Variants in GRIA1 observed in about 807,000 individuals in gnomAD.
The protein encoded by GRIA1 is glutamate receptor 1.
A neutral mutation model predicts 99.2 loss-of-function variants in GRIA1; 31 were observed. The ratio of observed to expected loss-of-function variants is 0.31; its 90% CI spans 0.23 to 0.42. The LOEUF is 0.42. GRIA1 is among the 10% of genes least tolerant of loss of function. GRIA1 has a pLI of 1.00. For missense variants in GRIA1, 782 were observed against 1,157.5 expected (o/e 0.68, Z 4.71); for synonymous variants, 438 against 432.4 (o/e 1.01, Z -0.16).
intron 11 of GRIA1, among the ~76,000 whole-genome samples, chr5:153,727,388 C>A (rs541125136): frequency 3.9e-5 from 6 of 152,128 alleles, no homozygotes; most frequent in South Asian, 2.1e-4. Flanking sequence ...CTGGCCAGGG[C>A]AATTAGGCAG....
chr5:153,574,540 A>G (rs183554903), intron 2 of GRIA1: 3 of 152,302 alleles, frequency 2.0e-5, no homozygotes, highest in Non-Finnish European at 4.4e-5. Flanking sequence ...GAGATTGTCT[A>G]TTTCTACTTA....
intron 3 of GRIA1, among the ~76,000 whole-genome samples, 160 bp downstream of exon 3, chr5:153,647,327 T>C (rs1443603378): frequency 1.3e-5 from 2 of 152,186 alleles, no homozygotes; most frequent in South Asian, 2.1e-4. Context: ...AGCTGACCTC[T>C]AATTCAGTTT....
chr5:153,541,445 G>A (rs1581200512), intron 2 of GRIA1, among the ~76,000 whole-genome samples: 1 of 152,288 alleles, frequency 6.6e-6, no homozygotes, highest in African/African-American at 2.4e-5. Context: ...CTATAGTCTT[G>A]TAAATTAGGT....
rs1307069628 is a variant in GRIA1 at position 153,606,400 on chromosome 5, T to C, written c.221-40528T>C. 3.3e-5 allele frequency among the ~76,000 whole-genome samples: 5 copies of C among 152,230 alleles called. No individual in the cohort carries two copies. In the East Asian group the frequency reaches 9.6e-4, roughly 29 times the overall value. On this transcript the variant is annotated intron_variant, in intron 2 of 15. Coordinates refer to ENST00000285900, the MANE Select transcript of GRIA1 (RefSeq NM_000827.4). ...CTATTATTAGACCTTTACATTTACA[T>C]ACAAATTTTAGAACCAGCATGTCAC...
intron 2 of GRIA1, among the ~76,000 whole-genome samples, chr5:153,501,308 TGA>T (rs1322899863): frequency 1.3e-5 from 2 of 152,170 alleles, no homozygotes; most frequent in Non-Finnish European, 2.9e-5. Flanking sequence ...ATCACATGAA[TGA>T]GTGTATAGGT....
At chr5:153,573,045 G>A (rs1762255004) in intron 2 of GRIA1, among the ~76,000 whole-genome samples, 1 of 152,138 alleles carries the variant, frequency 6.6e-6, no homozygotes, top group Non-Finnish European at 1.5e-5. Context: ...GGGCAAAATA[G>A]GGCCACGTTG....
chr5:153,763,684 G>A (rs781517444), intron 11 of GRIA1, among the ~76,000 whole-genome samples: 5 of 152,198 alleles, frequency 3.3e-5, no homozygotes, highest in Admixed American at 6.5e-5. Context: ...TGGAACTCTC[G>A]GCTGGTTATG....
chr5:153,681,057 T>C (rs190905550), intron 7 of GRIA1, among the ~76,000 whole-genome samples: 2 of 152,346 alleles, frequency 1.3e-5, no homozygotes, highest in East Asian at 3.9e-4. Context: ...AATAGTTTTG[T>C]AGGCTGCACA....
At chr5:153,505,456 A>G (rs1002998209) in intron 2 of GRIA1, among the ~76,000 whole-genome samples, 1 of 152,228 alleles carries the variant, frequency 6.6e-6, no homozygotes, top group Non-Finnish European at 1.5e-5. Flanking sequence ...AGATTATGAG[A>G]AGAACATGCC....
chr5:153,799,435 C>T lies in GRIA1; in HGVS notation c.2386-2921C>T, dbSNP rs1382135456. On this transcript the variant is annotated intron_variant, in intron 14 of 15. Transcript: ENST00000285900. ...TGGCCTGAGGCCTCCTTAGAAAGACCGTATCAAAAAGCTAATGACACGCTT... is the reference window on the plus strand; with the variant it reads ...TGGCCTGAGGCCTCCTTAGAAAGACTGTATCAAAAAGCTAATGACACGCTT... Among the ~76,000 whole-genome samples, 65 of 152,150 alleles carry T rather than the reference C, an allele frequency of 4.3e-4. 1 individual carries two copies. The highest frequency in any genetic ancestry group is 4.1e-3 in the Admixed American group (63 of 15,266).
At chr5:153,672,372 C>T (rs893178634) in intron 5 of GRIA1, among the ~76,000 whole-genome samples, 3 of 152,052 alleles carry the variant, frequency 2.0e-5, no homozygotes, top group African/African-American at 7.3e-5. Flanking sequence ...GGAGTGGAAG[C>T]GAACAGGATG....
intron 11 of GRIA1, among the ~76,000 whole-genome samples, chr5:153,748,703 G>A (rs978895042): frequency 6.6e-6 from 1 of 152,094 alleles, no homozygotes; most frequent in African/African-American, 2.4e-5. Context: ...TGTGGGTGAG[G>A]GAAAGAGACA....
intron 13 of GRIA1, among the ~76,000 whole-genome samples, chr5:153,779,919 AAGAG>A (rs963661183): frequency 1.3e-4 from 20 of 152,250 alleles, no homozygotes; most frequent in Admixed American, 1.2e-3. Context: ...CAACACATTA[AAGAG>A]AGAGAGGAGG....
At position 153,490,976 on chromosome 5, in the gene GRIA1, T is replaced by A; in HGVS notation, c.82+6T>A. On this transcript the variant is annotated splice_donor_region_variant and intron_variant, in intron 1 of 15. Coordinates refer to ENST00000285900, the MANE Select transcript of GRIA1 (RefSeq NM_000827.4). ...CCCCAACAATATCCAGATCGGTGAG[T>A]GAGGGGGCAGCCTGGGGAGGGACTT... 6.2e-7 allele frequency: 1 copy of A among 1,613,022 alleles called. No homozygotes were observed. The highest frequency in any genetic ancestry group is 1.1e-5 in the South Asian group (1 of 91,028).
At chr5:153,657,315 T>G (rs1409063727) in intron 5 of GRIA1, among the ~76,000 whole-genome samples, 1 of 152,224 alleles carries the variant, frequency 6.6e-6, no homozygotes, top group Middle Eastern at 3.2e-3. Flanking sequence ...ATAACAAATT[T>G]TTCCATGTGA....
chr5:153,582,233 A>G lies in GRIA1; in HGVS notation c.221-64695A>G, dbSNP rs371005037. On this transcript the variant is annotated intron_variant, in intron 2 of 15. Transcript: ENST00000285900. ...AGAGTAGACATCATTGTGTTTCTGA[A>G]GGTTTTATGTTAGCACCTTTGGGCC... is the stretch of plus-strand genomic sequence containing the variant. 1.8e-3 allele frequency among the ~76,000 whole-genome samples: 274 copies of G among 152,294 alleles called. 4 individuals are homozygous for G. The highest frequency in any genetic ancestry group is 0.013 in the South Asian group (61 of 4,822).
At chr5:153,789,413 G>GCATC (rs971797073) in intron 13 of GRIA1, among the ~76,000 whole-genome samples, 2 of 151,328 alleles carry the variant, frequency 1.3e-5, no homozygotes, top group Admixed American at 1.3e-4. Flanking sequence ...ATTATCAACA[G>GCATC]CATCCTGAGC....
At chr5:153,764,991 AC>A (rs1160211331) in intron 12 of GRIA1, among the ~76,000 whole-genome samples, 6 of 152,156 alleles carry the variant, frequency 3.9e-5, no homozygotes, top group Admixed American at 3.9e-4. Context: ...CAACAGCTGG[AC>A]CTGATGCTCT....
chr5:153,575,886 TTGTG>T (rs2149368163), intron 2 of GRIA1, among the ~76,000 whole-genome samples: 2 of 152,312 alleles, frequency 1.3e-5, no homozygotes, highest in South Asian at 4.1e-4. Context: ...TTGGGATGCT[TTGTG>T]TGACCTTGTA....
Sources: gnomAD v4.1 joint callset for allele counts (sites outside exome capture counted in the v4.1 genomes callset) on GRCh38, gnomAD v4.1.1 for gene constraint, MANE v1.5 for transcripts, NCBI Gene and HGNC (gene_info 2026-07-23, HGNC 2026-07-21) for gene names.